CDH4: variants seen among roughly 807,000 people sequenced by gnomAD.
CDH4 encodes cadherin-4.
CDH4 carries 33 observed loss-of-function variants against 86.0 expected under a neutral mutation model. That is an observed-to-expected ratio of 0.38 (90% CI 0.29 to 0.51). CDH4 has a LOEUF of 0.51. Among genes scored for constraint, CDH4 ranks in the 20% least tolerant of loss-of-function variants. The pLI is 0.86. For synonymous variants in CDH4, 555 were observed against 549.4 expected (o/e 1.01, Z -0.14); for missense variants, 1,114 against 1,307.4 (o/e 0.85, Z 2.28).
intron 2 of CDH4, among the ~76,000 whole-genome samples, chr20:61,528,462 A>AGGAGGGGAAGAGAGGGGGGGGGGG (rs2085928208): frequency 6.2e-5 from 1 of 16,216 alleles, no homozygotes; most frequent in Non-Finnish European, 1.3e-4. Flanking sequence ...GGAGGGGGAG[A>AGGAGGGGAAGAGAGGGGGGGGGGG]GGGAGGGGGA....
At chr20:61,581,891 C>T (rs1303569621) in intron 2 of CDH4, among the ~76,000 whole-genome samples, 2 of 152,164 alleles carry the variant, frequency 1.3e-5, no homozygotes, top group African/African-American at 4.8e-5. Context: ...CTGCTGAGCT[C>T]CCGCCGTCTC....
At chr20:61,852,219 G>A (rs1982758443) in intron 5 of CDH4, among the ~76,000 whole-genome samples, 1 of 152,116 alleles carries the variant, frequency 6.6e-6, no homozygotes, top group Admixed American at 6.5e-5. Flanking sequence ...TGTCCAGGCT[G>A]GACTCTCAGT....
intron 2 of CDH4, among the ~76,000 whole-genome samples, chr20:61,410,460 TCCA>T (rs67350173): frequency 0.14 from 18,226 of 126,716 alleles, 1,588 homozygotes; most frequent in East Asian, 0.43. Context: ...CATCCATCCA[TCCA>T]TCCATCCTCT....
intron 2 of CDH4, among the ~76,000 whole-genome samples, chr20:61,375,747 G>A (rs1220975151): frequency 6.9e-6 from 1 of 144,656 alleles, no homozygotes; most frequent in African/African-American, 2.4e-5. Flanking sequence ...TCTTGGTGGT[G>A]GTGATGATGG....
At chr20:61,397,727 T>A (rs2085026241) in intron 2 of CDH4, among the ~76,000 whole-genome samples, 1 of 152,196 alleles carries the variant, frequency 6.6e-6, no homozygotes, top group African/African-American at 2.4e-5. Context: ...GGGTCCCCTG[T>A]CCTGTTTGTG....
At chr20:61,914,028 A>G (rs1438417114) in intron 9 of CDH4, among the ~76,000 whole-genome samples, 1 of 152,170 alleles carries the variant, frequency 6.6e-6, no homozygotes, top group African/African-American at 2.4e-5. Context: ...GCTGGTTCTC[A>G]GGATGTTGAT....
intron 3 of CDH4, among the ~76,000 whole-genome samples, chr20:61,759,732 A>C (rs2088609861): frequency 6.6e-6 from 1 of 152,186 alleles, no homozygotes; most frequent in Non-Finnish European, 1.5e-5. Flanking sequence ...AACTAAACAT[A>C]ATTTTCCTGA....
At chr20:61,744,366 AAG>A (rs1444439746) in intron 3 of CDH4, among the ~76,000 whole-genome samples, 2 of 145,948 alleles carry the variant, frequency 1.4e-5, no homozygotes, top group Non-Finnish European at 3.0e-5. Flanking sequence ...GAGGGAGAGG[AAG>A]AGAGGGAGAG....
chr20:61,515,232 G>A (rs1000284163), intron 2 of CDH4, among the ~76,000 whole-genome samples: 3 of 152,246 alleles, frequency 2.0e-5, no homozygotes, highest in Non-Finnish European at 2.9e-5. Context: ...TTGAGCTCCC[G>A]GTTCTGGGGA....
At chr20:61,584,885 C>T (rs2086458092) in intron 2 of CDH4, among the ~76,000 whole-genome samples, 1 of 152,060 alleles carries the variant, frequency 6.6e-6, no homozygotes, top group Non-Finnish European at 1.5e-5. Flanking sequence ...CTGCAGGTCA[C>T]AGTGAGACCC....
chr20:61,331,482 C>G (rs2084572265), intron 2 of CDH4, among the ~76,000 whole-genome samples: 1 of 151,686 alleles, frequency 6.6e-6, no homozygotes, highest in African/African-American at 2.4e-5. Flanking sequence ...TTCTGTTCCT[C>G]ACACTTGTCC....
At chr20:61,341,278 C>T (rs541124768) in intron 2 of CDH4, among the ~76,000 whole-genome samples, 37 of 152,340 alleles carry the variant, frequency 2.4e-4, no homozygotes, top group African/African-American at 7.7e-4. Context: ...GGAATAAGTG[C>T]TTAGCACAAA....
intron 4 of CDH4, among the ~76,000 whole-genome samples, chr20:61,780,281 C>G (rs1355495836): frequency 6.6e-6 from 1 of 152,136 alleles, no homozygotes; most frequent in Admixed American, 6.5e-5. Flanking sequence ...GAGGGTTTTC[C>G]CGGTGCACCC....
chr20:61,338,343 A>T (rs1435072446), intron 2 of CDH4, among the ~76,000 whole-genome samples: 1 of 152,212 alleles, frequency 6.6e-6, no homozygotes, highest in Non-Finnish European at 1.5e-5. Context: ...TTTTTCCTGC[A>T]CCTAAAAATC....
At chr20:61,554,794 A>G (rs1568890370) in intron 2 of CDH4, among the ~76,000 whole-genome samples, 1 of 152,260 alleles carries the variant, frequency 6.6e-6, no homozygotes, top group Admixed American at 6.5e-5. Flanking sequence ...ATGTTTTCAC[A>G]CGTGCACATG....
intron 4 of CDH4, 69 bp downstream of exon 4, chr20:61,773,251 C>T (rs2088799417): frequency 7.1e-7 from 1 of 1,408,918 alleles, no homozygotes; most frequent in Non-Finnish European, 9.4e-7. Flanking sequence ...CCCGACATCC[C>T]AAAGCCAGGG....
intron 2 of CDH4, among the ~76,000 whole-genome samples, chr20:61,262,117 C>T (rs149001419): frequency 1.3e-5 from 2 of 152,318 alleles, no homozygotes; most frequent in African/African-American, 4.8e-5. Flanking sequence ...TCAACACTCA[C>T]GTTGTGACAT....
intron 2 of CDH4, among the ~76,000 whole-genome samples, chr20:61,717,294 A>G (rs2087967544): frequency 6.6e-6 from 1 of 152,140 alleles, no homozygotes; most frequent in African/African-American, 2.4e-5. Context: ...GCTAGTGACA[A>G]CACAGGGTGG....
At chr20:61,733,984 G>A (rs534081830) in intron 2 of CDH4, among the ~76,000 whole-genome samples, 19 of 152,388 alleles carry the variant, frequency 1.2e-4, no homozygotes, top group Admixed American at 2.6e-4. Context: ...GAAGCGGAGC[G>A]CATGTCACTC....
Sources: allele counts gnomAD v4.1 joint callset (sites outside exome capture counted in the v4.1 genomes callset), GRCh38; gene constraint gnomAD v4.1.1; transcripts MANE v1.5; gene names NCBI Gene and HGNC (gene_info 2026-07-23, HGNC 2026-07-21).